MYOCD: variants seen among roughly 807,000 people sequenced by gnomAD.
MYOCD encodes the protein myocardin.
A neutral mutation model predicts 96.1 loss-of-function variants in MYOCD; 32 were observed. That is an observed-to-expected ratio of 0.33 (90% CI 0.25 to 0.45). The LOEUF (loss-of-function observed/expected upper bound fraction) is 0.45. Among genes scored for constraint, MYOCD ranks in the 20% least tolerant of loss-of-function variants. MYOCD has a pLI of 1.00. For synonymous variants in MYOCD, 469 were observed against 469.0 expected, an observed-to-expected ratio of 1.00 and a Z score of 0.00; for missense variants, 1,133 against 1,200.6, an observed-to-expected ratio of 0.94 and a Z score of 0.83.
intron 2 of MYOCD, among the ~76,000 whole-genome samples, chr17:12,711,924 CTTTT>C (rs11388469): frequency 2.2e-5 from 3 of 134,818 alleles, no homozygotes; most frequent in Non-Finnish European, 3.2e-5. Context: ...TTTCTTTTTT[CTTTT>C]TTTTTTTTTT....
chr17:12,752,656 C>G lies in MYOCD; in HGVS notation c.1368C>G (p.Pro456=). 6.2e-7 allele frequency: 1 copy of G among 1,614,094 alleles called. No homozygotes were observed. Reference sequence around the variant, plus strand: ...ACTTTGGCAGCACCAGCTCCAGCCCCCCGATCTCCCCAGCCTCCTCTGACC... The same window carrying G: ...ACTTTGGCAGCACCAGCTCCAGCCCGCCGATCTCCCCAGCCTCCTCTGACC... ...FYHFGSTSSS[P]PISPASSDLS... Residue 456 remains proline, a synonymous_variant, in exon 10 of 14, where the codon CCC becomes CCG. Transcript: ENST00000425538.
chr17:12,763,353 C>T lies in MYOCD; in HGVS notation c.2670C>T (p.Phe890=), dbSNP rs749782783. The T allele has an allele frequency of 8.8e-6, 14 of 1,599,592 alleles. No homozygotes were observed. The South Asian group carries it at 1.4e-4, about 15-fold the overall frequency. ...EPHFDGIMDG[F]SGKAAEDLFN... ...ACTTTGATGGGATAATGGATGGATT[C>T]TCTGGGAAGGCTGCAGAAGACCTCT... is the stretch of plus-strand genomic sequence containing the variant. Residue 890 remains phenylalanine (F), a synonymous_variant, in exon 14 of 14, where the codon TTC becomes TTT. Transcript: ENST00000425538.
At position 12,752,715 on chromosome 17, in the gene MYOCD, A is replaced by G. The variant is rs1363496104; in HGVS notation, c.1427A>G (p.Asn476Ser). The change falls in exon 10 of 14, where the codon AAT becomes AGT. Residue 476 changes from asparagine (N) to serine (S), a missense_variant. Asn to Ser is a conservative substitution (Grantham distance 46, BLOSUM62 1). Coordinates refer to ENST00000425538, the MANE Select transcript of MYOCD (RefSeq NM_001146312.3). ...GCTGGGTCCCTGCCGGACACCTTCA[A>G]TGATGCCTCCCCCTCCTTCGGCCTG... The part of the protein sequence containing the change: ...SVAGSLPDTF[N>S]DASPSFGLHP... The G allele has an allele frequency of 5.0e-6, 8 of 1,614,102 alleles. No individual in the cohort carries two copies. The South Asian group carries it at 5.5e-5, about 11-fold the overall frequency.
chr17:12,739,304 C>A lies in MYOCD; in HGVS notation c.693C>A (p.Pro231=). 1 of 1,604,490 alleles carries A rather than the reference C, an allele frequency of 6.2e-7. No individual in the cohort carries two copies. ...GKQGLGPPST[P]IAVHAAVKSK... ...AGGGGCTTGGCCCCCCCAGCACCCC[C>A]ATAGCCGTGCATGCTGCTGTAAAGG... Residue 231 remains proline, a synonymous_variant, in exon 7 of 14, where the codon CCC becomes CCA. Transcript: ENST00000425538.
Position 12,722,833 on chromosome 17 carries a change from T to C in MYOCD, c.254-14T>C. 1 of 1,600,294 alleles carries C rather than the reference T, an allele frequency of 6.2e-7. No individual in the cohort carries two copies. The highest frequency in any genetic ancestry group is 8.5e-7 in the Non-Finnish European group (1 of 1,174,924). ...CAAATTCTAGAACTGATCCTTTTCA[T>C]TTCAACCCTTTAGCTTCCACTGCAG... On this transcript the variant is annotated splice_polypyrimidine_tract_variant and intron_variant, in intron 4 of 13. Coordinates refer to ENST00000425538, the MANE Select transcript of MYOCD (RefSeq NM_001146312.3).
chr17:12,694,853 C>T (rs1349778599), intron 1 of MYOCD, among the ~76,000 whole-genome samples: 2 of 129,596 alleles, frequency 1.5e-5, no homozygotes, highest in Non-Finnish European at 3.2e-5. Flanking sequence ...TCAATAATGG[C>T]CAATGGTTCA....
Position 12,763,767 on chromosome 17 carries a change from T to A in MYOCD, c.*123T>A. The A allele has an allele frequency of 1.1e-6, 1 of 911,406 alleles. No individual in the cohort carries two copies. The highest frequency in any genetic ancestry group is 2.7e-5 in the East Asian group (1 of 36,986). 56.5% of individuals were successfully genotyped at this position (911,406 alleles called of 1,614,324 possible). A position where few individuals can be genotyped will look rare whatever the true frequency, so the allele number is the denominator to read the frequency against. ...AAGAGAATTAAAAAGAAGCAATGATTTCTGTGCCAATGAACAAGAACAAAA... is the reference window on the plus strand; with the variant it reads ...AAGAGAATTAAAAAGAAGCAATGATATCTGTGCCAATGAACAAGAACAAAA... On this transcript the variant is annotated 3_prime_UTR_variant, in exon 14 of 14. Transcript: ENST00000425538.
intron 1 of MYOCD, among the ~76,000 whole-genome samples, chr17:12,689,052 C>T (rs1282280696): frequency 6.6e-6 from 1 of 152,018 alleles, no homozygotes; most frequent in Non-Finnish European, 1.5e-5. Flanking sequence ...TTTCCTATTC[C>T]CGTTATCTTT....
At chr17:12,676,388 A>C (rs575074596) in intron 1 of MYOCD, among the ~76,000 whole-genome samples, 11 of 152,206 alleles carry the variant, frequency 7.2e-5, no homozygotes, top group Non-Finnish European at 2.9e-5. Context: ...ACATACCAAA[A>C]GTGCTAAAGC....
At chr17:12,693,257 A>G (rs1014665183) in intron 1 of MYOCD, among the ~76,000 whole-genome samples, 5 of 152,082 alleles carry the variant, frequency 3.3e-5, no homozygotes, top group Non-Finnish European at 5.9e-5. Flanking sequence ...TTTTGGAGAA[A>G]AATCCAGGGT....
intron 9 of MYOCD, among the ~76,000 whole-genome samples, chr17:12,746,691 T>C (rs991944506): frequency 6.7e-6 from 1 of 149,726 alleles, no homozygotes; most frequent in African/African-American, 2.5e-5. Context: ...GTAATTAGTA[T>C]AGGTATAAGG....
rs964441375 is a variant in MYOCD at position 12,752,638 on chromosome 17, C to T, written c.1350C>T (p.Gly450=). Reference sequence around the variant, plus strand: ...TGTCCAACGGCTTCTACCACTTTGGCAGCACCAGCTCCAGCCCCCCGATCT... The same window carrying T: ...TGTCCAACGGCTTCTACCACTTTGGTAGCACCAGCTCCAGCCCCCCGATCT... The part of the protein sequence containing the change: ...SALSNGFYHF[G]STSSSPPISP... Residue 450 remains glycine, a synonymous_variant, in exon 10 of 14, where the codon GGC becomes GGT. Transcript: ENST00000425538. The T allele has an allele frequency of 1.2e-6, 2 of 1,614,018 alleles. No individual in the cohort carries two copies. The highest frequency in any genetic ancestry group is 1.7e-6 in the Non-Finnish European group (2 of 1,179,924).
At chr17:12,680,206 A>G (rs531919965) in intron 1 of MYOCD, among the ~76,000 whole-genome samples, 64 of 152,224 alleles carry the variant, frequency 4.2e-4, no homozygotes, top group African/African-American at 1.5e-3. Flanking sequence ...TCCAAACTCT[A>G]ATTCTCCTTT....
At chr17:12,702,423 A>C (rs1392427252) in intron 1 of MYOCD, among the ~76,000 whole-genome samples, 1 of 151,904 alleles carries the variant, frequency 6.6e-6, no homozygotes, top group Non-Finnish European at 1.5e-5. Context: ...CTTTCAACCA[A>C]TCTGACACTT....
At chr17:12,719,757 C>T (rs925236941) in intron 4 of MYOCD, among the ~76,000 whole-genome samples, 6 of 148,514 alleles carry the variant, frequency 4.0e-5, no homozygotes, top group African/African-American at 1.5e-4. Flanking sequence ...ATCCCAGCTA[C>T]TCGGGAGGCT....
intron 7 of MYOCD, among the ~76,000 whole-genome samples, chr17:12,743,360 A>T (rs2032567171): frequency 6.6e-6 from 1 of 152,180 alleles, no homozygotes; most frequent in Non-Finnish European, 1.5e-5. Context: ...CTTTCAGCTC[A>T]AAGCAACAAA....
chr17:12,744,539 G>T, intron 8 of MYOCD, 103 bp downstream of exon 8: 2 of 1,411,904 alleles, frequency 1.4e-6, no homozygotes, highest in Non-Finnish European at 1.9e-6. Flanking sequence ...GTCCTGTATT[G>T]CACCATTTCC....
At chr17:12,683,085 C>T (rs551114066) in intron 1 of MYOCD, among the ~76,000 whole-genome samples, 3 of 152,240 alleles carry the variant, frequency 2.0e-5, no homozygotes, top group South Asian at 4.1e-4. Flanking sequence ...CTCTTCTGGC[C>T]GTCTTCTGTG....
rs28730823 is a variant in MYOCD, at chr17:12,752,735, G to A, written c.1447G>A (p.Gly483Ser). The A allele has an allele frequency of 1.7e-3, 2,666 of 1,614,014 alleles. 28 individuals carry two copies. The highest frequency in any genetic ancestry group is 0.016 in the African/African-American group (1,203 of 74,994). The change falls in exon 10 of 14, where the codon GGC becomes AGC. Residue 483 changes from glycine (G) to serine (S), a missense_variant. By Grantham distance (56) the Gly-to-Ser change is moderately conservative (BLOSUM62 0). Transcript: ENST00000425538. ...DTFNDASPSF[G>S]LHPSPVHVCT... ...CTTCAATGATGCCTCCCCCTCCTTC[G>A]GCCTGCACCCGTCCCCAGTCCACGT...
Sources: gnomAD v4.1 joint callset for allele counts (sites outside exome capture counted in the v4.1 genomes callset) on GRCh38, gnomAD v4.1.1 for gene constraint, MANE v1.5 for transcripts, NCBI Gene and HGNC (gene_info 2026-07-23, HGNC 2026-07-21) for gene names.